TNC: variants seen among roughly 807,000 people sequenced by gnomAD.
TNC encodes tenascin C, also known as tenascin.
In TNC, 109 loss-of-function variants were observed where a neutral mutation model predicts 202.4. The ratio of observed to expected loss-of-function variants is 0.54; its 90% CI spans 0.46 to 0.63. The LOEUF is 0.63. Among genes scored for constraint, TNC ranks in the 30% least tolerant of loss-of-function variants. The pLI, the probability that TNC is intolerant of heterozygous loss-of-function variation, is 0.00. For synonymous variants in TNC, 1,007 were observed against 1,089.7 expected, an observed-to-expected ratio of 0.92 and a Z score of 1.50; for missense variants, 2,756 against 2,833.3, an observed-to-expected ratio of 0.97 and a Z score of 0.62.
intron 6 of TNC, among the ~76,000 whole-genome samples, chr9:115,080,656 A>C (rs866540471): frequency 3.3e-4 from 50 of 152,250 alleles, no homozygotes; most frequent in African/African-American, 1.1e-3. Flanking sequence ...CACGCCTGTA[A>C]TCCTAGCACT....
chr9:115,096,963 G>T (rs1366848543), intron 1 of TNC, among the ~76,000 whole-genome samples: 1 of 152,138 alleles, frequency 6.6e-6, no homozygotes, highest in Non-Finnish European at 1.5e-5. Context: ...CTTTCTGTCT[G>T]CTTCAGCCTC....
chr9:115,111,236 G>A (rs908820376), intron 1 of TNC, among the ~76,000 whole-genome samples: 3 of 151,970 alleles, frequency 2.0e-5, no homozygotes, highest in South Asian at 2.1e-4. Flanking sequence ...ACTGCCTCCC[G>A]GCATTCTCAT....
At chr9:115,100,445 T>A (rs142320106) in intron 1 of TNC, among the ~76,000 whole-genome samples, 38 of 152,308 alleles carry the variant, frequency 2.5e-4, no homozygotes, top group African/African-American at 8.9e-4. Context: ...GTATATCACA[T>A]GAAACTTATT....
At chr9:115,103,558 G>A (rs951598725) in intron 1 of TNC, among the ~76,000 whole-genome samples, 1 of 152,140 alleles carries the variant, frequency 6.6e-6, no homozygotes, top group Non-Finnish European at 1.5e-5. Context: ...CAGGGTCATT[G>A]TGTGACCTTG....
At position 115,043,905 on chromosome 9, in the gene TNC, T is replaced by C. The variant is rs183458354; in HGVS notation, c.5126-1564A>G. ...TGGCCAAACACATTAATAGCTAATA[T>C]GGTTACTGTGGGTAAAGAAATTCTG... On this transcript the variant is annotated intron_variant, in intron 17 of 27. Transcript: ENST00000350763. 1.9e-3 allele frequency among the ~76,000 whole-genome samples: 294 copies of C among 152,352 alleles called. 1 individual carries two copies. Among genetic ancestry groups the C allele is most frequent in the Admixed American group, 2.7e-3 (42 of 15,302 alleles).
At chr9:115,037,982 G>C (rs1830457949) in intron 20 of TNC, among the ~76,000 whole-genome samples, 1 of 152,208 alleles carries the variant, frequency 6.6e-6, no homozygotes, top group African/African-American at 2.4e-5. Flanking sequence ...TCCTAAACGG[G>C]GTGTCTCACA....
intron 1 of TNC, among the ~76,000 whole-genome samples, chr9:115,107,359 C>G (rs542335046): frequency 6.6e-6 from 1 of 152,226 alleles, no homozygotes; most frequent in South Asian, 2.1e-4. Context: ...CAAAAATAGG[C>G]TGCCACCCTA....
Position 115,086,505 on chromosome 9 carries a change from G to C in TNC, c.1226C>G (p.Pro409Arg). 1 of 1,613,784 alleles carries C rather than the reference G, an allele frequency of 6.2e-7. No individual in the cohort carries two copies. The change falls in exon 3 of 28, where the codon CCC (proline) becomes CGC (arginine). Residue 409 changes from proline to arginine, a missense_variant. By Grantham distance (103) the Pro-to-Arg change is moderately radical. Transcript: ENST00000350763. ...GCGGCCATGGCCACTGCAGCCATTG[G>C]GACACTTGAGCTCCCCACAGTCAGC... ...TGADCGELKCPNGCSGHGRCV... is the reference protein window; with the variant it reads ...TGADCGELKCRNGCSGHGRCV...
At chr9:115,112,785 A>C (rs1257147853) in intron 1 of TNC, 1 of 152,378 alleles carries the variant, frequency 6.6e-6, no homozygotes, top group Non-Finnish European at 1.5e-5. Flanking sequence ...AACATTCTTG[A>C]CCTCAGTGGT....
At chr9:115,112,997 G>A (rs72760429) in intron 1 of TNC, among the ~76,000 whole-genome samples, 2,182 of 152,298 alleles carry the variant, frequency 0.014, 53 homozygotes, top group Non-Finnish European at 0.016. Context: ...GATGTGGATC[G>A]GGCTTTGCCC....
intron 25 of TNC, among the ~76,000 whole-genome samples, chr9:115,027,569 G>T (rs1483700242): frequency 6.6e-6 from 1 of 152,090 alleles, no homozygotes; most frequent in African/African-American, 2.4e-5. Context: ...CAGCCTCGGC[G>T]ACAGAGTGAA....
Position 115,020,799 on chromosome 9 carries a change from A to T in TNC, c.*358T>A. The T allele has an allele frequency of 3.7e-6, 1 of 271,990 alleles. No individual in the cohort carries two copies. Among genetic ancestry groups the T allele is most frequent in the South Asian group, 4.9e-5 (1 of 20,484 alleles). 16.8% of individuals were successfully genotyped at this position (271,990 alleles called of 1,614,324 possible). ...TAATGACAATTAATTATACAGCTTC[A>T]TGTAAAATACGGCTGGTTCTAAAAC... On this transcript the variant is annotated 3_prime_UTR_variant, in exon 28 of 28. Coordinates refer to ENST00000350763, the MANE Select transcript of TNC (RefSeq NM_002160.4).
intron 1 of TNC, among the ~76,000 whole-genome samples, chr9:115,100,284 G>A (rs998506356): frequency 1.3e-5 from 2 of 152,192 alleles, no homozygotes; most frequent in Non-Finnish European, 2.9e-5. Flanking sequence ...TTTGGTATAG[G>A]CATGGCAAGT....
intron 1 of TNC, among the ~76,000 whole-genome samples, chr9:115,098,449 C>A (rs1482594193): frequency 1.3e-5 from 2 of 152,152 alleles, no homozygotes; most frequent in Non-Finnish European, 2.9e-5. Context: ...CACCTCACTG[C>A]AGGACAAAGA....
intron 22 of TNC, among the ~76,000 whole-genome samples, chr9:115,033,763 A>C (rs1256006583): frequency 6.6e-6 from 1 of 152,214 alleles, no homozygotes; most frequent in Non-Finnish European, 1.5e-5. Flanking sequence ...TAAGGTATAA[A>C]TCCATGAAGA....
rs759863488 is a variant in TNC, at chr9:115,073,840, C to T, written c.2977G>A (p.Val993Ile). Reference sequence around the variant, plus strand: ...AGGCTGGTCTCTGCAGTTTCAGAAACCTGAAGGTCCTTGGGCGTGTCCAAC... The same window carrying T: ...AGGCTGGTCTCTGCAGTTTCAGAAATCTGAAGGTCCTTGGGCGTGTCCAAC... ...TELDTPKDLQ[V>I]SETAETSLTL... The change falls in exon 10 of 28, where the codon GTT (valine) becomes ATT (isoleucine). Residue 993 changes from valine to isoleucine, a missense_variant. Transcript: ENST00000350763. 10 of 1,612,182 alleles carry T rather than the reference C, an allele frequency of 6.2e-6. No homozygotes were observed. The Admixed American group carries it at 6.7e-5, about 11-fold the overall frequency.
rs34728754 is a variant in TNC, at chr9:115,020,212, A to AT, written c.*944dup. 64,251 of 128,352 alleles carry AT rather than the reference A, an allele frequency of 0.5. 16,534 individuals are homozygous for AT. The highest frequency in any genetic ancestry group is 0.55 in the Non-Finnish European group (34,371 of 62,180). The allele number at this position is 128,352 out of a possible 1,614,324, so 8.0% of individuals were successfully genotyped here. A position where few individuals can be genotyped will look rare whatever the true frequency, so the allele number is the denominator to read the frequency against. On this transcript the variant is annotated 3_prime_UTR_variant, in exon 28 of 28. Coordinates refer to ENST00000350763, the MANE Select transcript of TNC (RefSeq NM_002160.4). ...CGCACTACCACGCTTGCCTAATTAA[A>AT]TTTTTTTTTTTTTTTTTTTCTGTAG...
At chr9:115,053,885 T>C (rs894211864) in intron 15 of TNC, among the ~76,000 whole-genome samples, 1 of 152,204 alleles carries the variant, frequency 6.6e-6, no homozygotes, top group African/African-American at 2.4e-5. Context: ...AACTCAATTA[T>C]TGGATAATTT....
At chr9:115,046,760 G>C (rs917180053) in intron 16 of TNC, 78 bp from the exon 17 acceptor site, 2 of 1,539,214 alleles carry the variant, frequency 1.3e-6, no homozygotes, top group Middle Eastern at 2.4e-4. Context: ...TCTCCAGTAG[G>C]GGTATCAATA....
Sources: allele counts gnomAD v4.1 joint callset (sites outside exome capture counted in the v4.1 genomes callset), GRCh38; gene constraint gnomAD v4.1.1; transcripts MANE v1.5; gene names NCBI Gene and HGNC (gene_info 2026-07-23, HGNC 2026-07-21).